The following NR3C2 variants were observed in gnomAD, a reference collection of about 807,000 sequenced individuals.
The protein encoded by NR3C2 is mineralocorticoid receptor.
A neutral mutation model predicts 86.4 loss-of-function variants in NR3C2; 15 were observed. The ratio of observed to expected loss-of-function variants is 0.17; its 90% CI spans 0.12 to 0.27. The LOEUF is 0.27. Among genes scored for constraint, NR3C2 ranks in the 10% least tolerant of loss-of-function variants. The probability of loss-of-function intolerance (pLI) is 1.00; values close to 1 mark genes in which losing one functional copy is unlikely to be tolerated. For synonymous variants in NR3C2, 458 were observed against 450.5 expected, an observed-to-expected ratio of 1.02 and a Z score of -0.21; for missense variants, 960 against 1,195.6, an observed-to-expected ratio of 0.80 and a Z score of 2.91.
At chr4:148,154,508 G>C in intron 5 of NR3C2, 43 bp downstream of exon 5, 1 of 1,590,994 alleles carries the variant, frequency 6.3e-7, no homozygotes, top group Non-Finnish European at 8.6e-7. Context: ...GCCCAGACTT[G>C]TTAAGTTCAG....
chr4:148,356,981 G>C (rs1201824213), intron 2 of NR3C2, among the ~76,000 whole-genome samples: 6 of 151,620 alleles, frequency 4.0e-5, no homozygotes, highest in African/African-American at 1.5e-4. Flanking sequence ...CAGTACTACA[G>C]AGTCCTCATA....
chr4:148,356,019 A>G (rs976469313), intron 2 of NR3C2, among the ~76,000 whole-genome samples: 6 of 152,220 alleles, frequency 3.9e-5, no homozygotes, highest in African/African-American at 9.6e-5. Flanking sequence ...GTATCTAACA[A>G]GTGGCAAGTG....
At chr4:148,148,643 C>A (rs1377219138) in intron 6 of NR3C2, among the ~76,000 whole-genome samples, 1 of 152,170 alleles carries the variant, frequency 6.6e-6, no homozygotes, top group Non-Finnish European at 1.5e-5. Context: ...CAGGCTAGAT[C>A]AACTTTCCTC....
At chr4:148,325,240 C>T (rs1196819539) in intron 2 of NR3C2, among the ~76,000 whole-genome samples, 1 of 152,072 alleles carries the variant, frequency 6.6e-6, no homozygotes, top group African/African-American at 2.4e-5. Flanking sequence ...TATCAAATAG[C>T]TTCATAACTT....
chr4:148,425,155 G>A (rs1749466362), intron 2 of NR3C2, among the ~76,000 whole-genome samples: 1 of 152,062 alleles, frequency 6.6e-6, no homozygotes, highest in Non-Finnish European at 1.5e-5. Flanking sequence ...ATTTAGTCAT[G>A]CCAGATATAT....
intron 2 of NR3C2, among the ~76,000 whole-genome samples, chr4:148,427,962 C>T (rs1749630651): frequency 6.6e-6 from 1 of 152,176 alleles, no homozygotes; most frequent in Admixed American, 6.5e-5. Context: ...ACATAAATAT[C>T]TGAATAAACA....
intron 2 of NR3C2, among the ~76,000 whole-genome samples, chr4:148,409,475 T>C (rs1210442362): frequency 1.3e-5 from 2 of 152,156 alleles, no homozygotes; most frequent in Non-Finnish European, 2.9e-5. Context: ...TTAGGCCTTA[T>C]CTGTCTTGTC....
intron 2 of NR3C2, among the ~76,000 whole-genome samples, chr4:148,356,990 T>C (rs1004652987): frequency 5.9e-5 from 9 of 151,610 alleles, no homozygotes; most frequent in East Asian, 1.9e-4. Flanking sequence ...AGAGTCCTCA[T>C]AGGAACACCT....
At chr4:148,398,101 T>C (rs1747953357) in intron 2 of NR3C2, among the ~76,000 whole-genome samples, 1 of 152,184 alleles carries the variant, frequency 6.6e-6, no homozygotes, top group Non-Finnish European at 1.5e-5. Context: ...CTTTCTCTTA[T>C]AAAGACACCA....
At chr4:148,322,311 A>AT (rs1428475965) in intron 2 of NR3C2, among the ~76,000 whole-genome samples, 2,890 of 145,808 alleles carry the variant, frequency 0.02, 92 homozygotes, top group African/African-American at 0.07. Context: ...TGCCCTTAAC[A>AT]TTTTTTCCTT....
At chr4:148,103,477 G>A (rs1156425440) in intron 8 of NR3C2, among the ~76,000 whole-genome samples, 1 of 152,218 alleles carries the variant, frequency 6.6e-6, no homozygotes, top group Non-Finnish European at 1.5e-5. Flanking sequence ...CCACTCAGTA[G>A]CCCTTTCTTT....
intron 2 of NR3C2, among the ~76,000 whole-genome samples, chr4:148,399,480 T>C (rs1748030854): frequency 6.6e-6 from 1 of 151,912 alleles, no homozygotes; most frequent in South Asian, 2.1e-4. Context: ...ATAAAACAAA[T>C]ATCTTCATTA....
At chr4:148,288,417 G>A in intron 2 of NR3C2, among the ~76,000 whole-genome samples, 1 of 152,192 alleles carries the variant, frequency 6.6e-6, no homozygotes, top group Non-Finnish European at 1.5e-5. Flanking sequence ...GCACCAGGGT[G>A]GAAAACCCAC....
At chr4:148,267,092 T>G (rs1740434652) in intron 2 of NR3C2, among the ~76,000 whole-genome samples, 1 of 152,084 alleles carries the variant, frequency 6.6e-6, no homozygotes, top group African/African-American at 2.4e-5. Context: ...ATATGTCAGG[T>G]TTATTAACTG....
chr4:148,423,195 C>T (rs1749365838), intron 2 of NR3C2, among the ~76,000 whole-genome samples: 1 of 149,996 alleles, frequency 6.7e-6, no homozygotes, highest in Admixed American at 6.8e-5. Flanking sequence ...ACCAGATTAA[C>T]CTTTCTACCC....
chr4:148,363,672 G>A (rs1425915809), intron 2 of NR3C2, among the ~76,000 whole-genome samples: 1 of 151,618 alleles, frequency 6.6e-6, no homozygotes. Flanking sequence ...CCCGGCTAAT[G>A]TTTTGTATTT....
At chr4:148,352,876 A>T in intron 2 of NR3C2, among the ~76,000 whole-genome samples, 1 of 152,212 alleles carries the variant, frequency 6.6e-6, no homozygotes, top group East Asian at 1.9e-4. Context: ...AATGTGATTT[A>T]AAGATGTAAA....
At chr4:148,348,399 T>C (rs1745106148) in intron 2 of NR3C2, among the ~76,000 whole-genome samples, 1 of 152,100 alleles carries the variant, frequency 6.6e-6, no homozygotes, top group African/African-American at 2.4e-5. Context: ...GTTTTTTATA[T>C]CTCCAGCACT....
intron 3 of NR3C2, among the ~76,000 whole-genome samples, chr4:148,217,355 A>T (rs370037875): frequency 2.6e-5 from 4 of 152,200 alleles, no homozygotes; most frequent in African/African-American, 7.2e-5. Context: ...CTCTTAGGAC[A>T]TGCACAGGAA....
Sources: gnomAD v4.1 joint callset for allele counts (sites outside exome capture counted in the v4.1 genomes callset) on GRCh38, gnomAD v4.1.1 for gene constraint, MANE v1.5 for transcripts, NCBI Gene and HGNC (gene_info 2026-07-23, HGNC 2026-07-21) for gene names.